PLXNA2: variants seen among roughly 807,000 people sequenced by gnomAD.
PLXNA2 encodes the protein plexin A2.
PLXNA2 carries 91 observed loss-of-function variants against 193.5 expected under a neutral mutation model. The ratio of observed to expected loss-of-function variants is 0.47; its 90% CI spans 0.40 to 0.56. The LOEUF (loss-of-function observed/expected upper bound fraction) is 0.56, where lower values mean the gene tolerates loss of function less well. Among genes scored for constraint, PLXNA2 ranks in the 20% least tolerant of loss-of-function variants. The pLI, the probability that PLXNA2 is intolerant of heterozygous loss-of-function variation, is 0.00. For missense variants in PLXNA2, 1,995 were observed against 2,503.2 expected (o/e 0.80, Z 4.33); for synonymous variants, 997 against 1,027.3 (o/e 0.97, Z 0.56).
At chr1:208,062,528 G>A (rs1369167188) in intron 12 of PLXNA2, among the ~76,000 whole-genome samples, 1 of 152,226 alleles carries the variant, frequency 6.6e-6, no homozygotes, top group Non-Finnish European at 1.5e-5. Flanking sequence ...TCCTCCGTAG[G>A]CCAAAGATGG....
intron 1 of PLXNA2, among the ~76,000 whole-genome samples, chr1:208,227,213 C>T (rs551557482): frequency 7.2e-5 from 11 of 152,288 alleles, no homozygotes; most frequent in African/African-American, 2.6e-4. Context: ...AAATTACTAG[C>T]AACTCTCACT....
intron 4 of PLXNA2, among the ~76,000 whole-genome samples, chr1:208,107,739 T>C (rs1004559024): frequency 6.6e-6 from 1 of 152,186 alleles, no homozygotes; most frequent in Admixed American, 6.5e-5. Context: ...ATTTTAATTA[T>C]GCCTGAGGCT....
intron 3 of PLXNA2, among the ~76,000 whole-genome samples, chr1:208,202,939 AT>A (rs1670598090): frequency 6.6e-6 from 1 of 152,240 alleles, no homozygotes. Flanking sequence ...AGTACAAAAA[AT>A]AAATGAGTCT....
intron 29 of PLXNA2, chr1:208,029,337 G>A (rs1004630572): frequency 1.7e-5 from 20 of 1,205,550 alleles, no homozygotes; most frequent in Admixed American, 3.7e-5. Flanking sequence ...AAAGGACTCT[G>A]TGCCCCTAGG....
intron 12 of PLXNA2, among the ~76,000 whole-genome samples, chr1:208,071,801 C>A (rs899257912): frequency 2.6e-5 from 4 of 152,336 alleles, no homozygotes; most frequent in South Asian, 4.1e-4. Context: ...AGAGTGCCGG[C>A]TTGTTTCTCA....
chr1:208,220,886 C>T (rs1464426593), intron 1 of PLXNA2, among the ~76,000 whole-genome samples: 2 of 152,146 alleles, frequency 1.3e-5, no homozygotes, highest in African/African-American at 4.8e-5. Flanking sequence ...TAGGCCTCCC[C>T]GACCCAGTGA....
intron 3 of PLXNA2, among the ~76,000 whole-genome samples, chr1:208,201,024 T>C (rs1670535715): frequency 1.3e-5 from 2 of 152,224 alleles, no homozygotes; most frequent in African/African-American, 2.4e-5. Context: ...GTAGTAATAC[T>C]AGTAGGAGGA....
intron 4 of PLXNA2, among the ~76,000 whole-genome samples, chr1:208,115,798 T>C (rs1484684487): frequency 2.0e-5 from 3 of 152,144 alleles, no homozygotes; most frequent in Non-Finnish European, 4.4e-5. Context: ...GTAAAAGCTA[T>C]AGGAGCAAAA....
At chr1:208,114,649 C>A (rs1667583401) in intron 4 of PLXNA2, among the ~76,000 whole-genome samples, 1 of 152,258 alleles carries the variant, frequency 6.6e-6, no homozygotes. Flanking sequence ...TCGCAGCTTT[C>A]CTTTCTAACC....
chr1:208,039,753 C>T lies in PLXNA2; in HGVS notation c.4368G>A (p.Glu1456=). 1 of 1,614,130 alleles carries T rather than the reference C, an allele frequency of 6.2e-7. No homozygotes were observed. Among genetic ancestry groups the T allele is most frequent in the Non-Finnish European group, 8.5e-7 (1 of 1,180,038 alleles). Residue 1456 remains glutamate, a synonymous_variant, in exon 24 of 32, where the codon GAG becomes GAA. Coordinates refer to ENST00000367033, the MANE Select transcript of PLXNA2 (RefSeq NM_025179.4). ...LHKFLKECAG[E]PLFMLYCAIK... ...TGGCACAGTATAGCATGAAGAGTGG[C>T]TCCCCTGCGCACTCCTGTGGGCACA...
At chr1:208,141,162 C>T (rs1031460441) in intron 4 of PLXNA2, among the ~76,000 whole-genome samples, 3 of 152,188 alleles carry the variant, frequency 2.0e-5, no homozygotes, top group African/African-American at 4.8e-5. Context: ...GTATGATTTA[C>T]GTCATCTGTC....
intron 9 of PLXNA2, among the ~76,000 whole-genome samples, chr1:208,088,726 T>C (rs533337764): frequency 6.6e-6 from 1 of 152,338 alleles, no homozygotes; most frequent in Admixed American, 6.5e-5. Context: ...CTCTATAAAA[T>C]GGTGCCAATA....
At chr1:208,115,271 A>G (rs1667600449) in intron 4 of PLXNA2, among the ~76,000 whole-genome samples, 1 of 152,192 alleles carries the variant, frequency 6.6e-6, no homozygotes, top group Non-Finnish European at 1.5e-5. Context: ...ATGTGGTAGA[A>G]ATACACCGGG....
In PLXNA2 at chr1:208,217,625, C is replaced by T. The variant is rs1348482018; in HGVS notation, c.298G>A (p.Val100Met). ...GTGAGCACTTCGCTGCAGGGCTGCACGATGAGGGGCGGGTAACAAGACTTG... is the reference window on the plus strand; with the variant it reads ...GTGAGCACTTCGCTGCAGGGCTGCATGATGAGGGGCGGGTAACAAGACTTG... ...DNKSCYPPLI[V>M]QPCSEVLTLT... The change falls in exon 2 of 32, where the codon GTG (valine) becomes ATG (methionine). Residue 100 changes from valine (V) to methionine (M), a missense_variant. Coordinates refer to ENST00000367033, the MANE Select transcript of PLXNA2 (RefSeq NM_025179.4). This position sits in a 1 kb window ranked among gnomAD's most constrained non-coding sequence, Gnocchi z 4.7. 25 of 1,614,020 alleles carry T rather than the reference C, an allele frequency of 1.5e-5. No homozygotes were observed. The highest frequency in any genetic ancestry group is 2.7e-5 in the African/African-American group (2 of 74,904).
chr1:208,033,910 T>G (rs531056349), intron 27 of PLXNA2, among the ~76,000 whole-genome samples: 3 of 152,212 alleles, frequency 2.0e-5, no homozygotes, highest in Non-Finnish European at 4.4e-5. Context: ...GGTCTCTTCT[T>G]GCATGGGGCC....
At chr1:208,054,033 A>T (rs542123016) in intron 14 of PLXNA2, among the ~76,000 whole-genome samples, 1 of 152,360 alleles carries the variant, frequency 6.6e-6, no homozygotes, top group East Asian at 1.9e-4. Context: ...GACTTATTTA[A>T]TTAGGTCCCT....
In PLXNA2 at chr1:208,181,740, G is replaced by A. The variant is rs1028880196; in HGVS notation, c.1371+28540C>T. ...GTAGACCAGGCCGTTGTGGGCCCGA[G>A]TTCACTGTGAAGGTAGGGATGAGGT... On this transcript the variant is annotated intron_variant, in intron 3 of 31. Transcript: ENST00000367033. Among the ~76,000 whole-genome samples the A allele has an allele frequency of 4.6e-5, 7 of 152,338 alleles. 1 individual carries two copies. Among genetic ancestry groups the A allele is most frequent in the Admixed American group, 4.6e-4 (7 of 15,308 alleles).
At chr1:208,242,679 TC>T (rs1283928983) in intron 1 of PLXNA2, among the ~76,000 whole-genome samples, 3 of 152,178 alleles carry the variant, frequency 2.0e-5, no homozygotes, top group Non-Finnish European at 4.4e-5. Context: ...ATTATTTCTA[TC>T]CCTCCTGAGC....
intron 3 of PLXNA2, among the ~76,000 whole-genome samples, chr1:208,202,476 A>T (rs1413707032): frequency 6.6e-6 from 1 of 152,160 alleles, no homozygotes; most frequent in Admixed American, 6.5e-5. Flanking sequence ...AGCTAGTAGG[A>T]TGGAGTCAGG....
Sources: gnomAD v4.1 joint callset for allele counts (sites outside exome capture counted in the v4.1 genomes callset) on GRCh38, gnomAD v4.1.1 for gene constraint, Gnocchi (gnomAD v3.1) non-coding constraint, MANE v1.5 for transcripts, NCBI Gene and HGNC (gene_info 2026-07-23, HGNC 2026-07-21) for gene names.